Variants in TTC17 observed in about 807,000 individuals in gnomAD.
TTC17 encodes the protein tetratricopeptide repeat protein 17.
In TTC17, 58 loss-of-function variants were observed where a neutral mutation model predicts 143.8. The ratio of observed to expected loss-of-function variants is 0.40; its 90% CI spans 0.33 to 0.50. The LOEUF is 0.50. Ranked by LOEUF, TTC17 falls within the 20% of genes least tolerant of loss-of-function variation. TTC17 has a pLI of 0.49. For missense variants in TTC17, 1,273 were observed against 1,392.5 expected (o/e 0.91, Z 1.37); for synonymous variants, 501 against 497.8 (o/e 1.01, Z -0.09).
chr11:43,456,298 C>CT (rs961432524), intron 21 of TTC17, among the ~76,000 whole-genome samples: 71 of 152,194 alleles, frequency 4.7e-4, no homozygotes, highest in African/African-American at 1.6e-3. Context: ...AATGTCCACT[C>CT]TATCTACTAC....
intron 16 of TTC17, among the ~76,000 whole-genome samples, chr11:43,429,081 A>G (rs1947094180): frequency 6.6e-6 from 1 of 152,220 alleles, no homozygotes; most frequent in Non-Finnish European, 1.5e-5. Context: ...AGAACAGGGC[A>G]GAGGAGGTGA....
At chr11:43,401,599 T>C (rs1468575785) in intron 10 of TTC17, 41 bp downstream of exon 10, 1 of 1,374,114 alleles carries the variant, frequency 7.3e-7, no homozygotes, top group Non-Finnish European at 1.0e-6. Flanking sequence ...AAACGTTTGC[T>C]TTATAAAGAT....
At chr11:43,442,724 G>T (rs1024615876) in intron 16 of TTC17, among the ~76,000 whole-genome samples, 1 of 152,124 alleles carries the variant, frequency 6.6e-6, no homozygotes, top group African/African-American at 2.4e-5. Flanking sequence ...TTCCATAGGA[G>T]TCTTTATGTA....
In TTC17 at chr11:43,410,698, A is replaced by C. The variant is rs1013487803; in HGVS notation, c.2064+3121A>C. ...ACTTGACATTTCCACTTAGATGTCT[A>C]AAGGGCGCTCTAGAACAAAAGGCCA... is the stretch of plus-strand genomic sequence containing the variant. On this transcript the variant is annotated intron_variant, in intron 15 of 23. Transcript: ENST00000039989. Among the ~76,000 whole-genome samples the C allele has an allele frequency of 6.6e-5, 10 of 152,176 alleles. No individual in the cohort carries two copies. In the East Asian group the frequency reaches 1.9e-3, roughly 29 times the overall value.
chr11:43,379,436 T>C (rs752371184), intron 2 of TTC17, 114 bp downstream of exon 2: 2 of 866,982 alleles, frequency 2.3e-6, no homozygotes, highest in Non-Finnish European at 3.6e-6. Context: ...CTTCTGACTT[T>C]TGCGGGAATA....
Position 43,452,217 on chromosome 11 carries a change from C to A in TTC17, c.3030+952C>A, listed in dbSNP as rs79783362. ...CACTGATACAAAAATAAAAGAAAAC[C>A]GGTCGGGCCCGGTGGCTCACACCTG... is the stretch of plus-strand genomic sequence containing the variant. On this transcript the variant is annotated intron_variant, in intron 21 of 23. Transcript: ENST00000039989. Among the ~76,000 whole-genome samples, 119 of 152,122 alleles carry A rather than the reference C, an allele frequency of 7.8e-4. 1 individual carries two copies. The highest frequency in any genetic ancestry group is 2.8e-3 in the African/African-American group (115 of 41,502).
intron 21 of TTC17, among the ~76,000 whole-genome samples, chr11:43,451,920 T>G (rs1441491767): frequency 1.3e-5 from 2 of 152,188 alleles, no homozygotes; most frequent in Non-Finnish European, 2.9e-5. Flanking sequence ...AGCAACTTCC[T>G]TCATCTTCCG....
chr11:43,397,191 CAG>C (rs1857629252), intron 6 of TTC17, 154 bp from the exon 7 acceptor site: 2 of 759,442 alleles, frequency 2.6e-6, no homozygotes, highest in Admixed American at 6.2e-5. Flanking sequence ...TTGTAGCTAT[CAG>C]ATTAAGAGCC....
chr11:43,480,250 A>G (rs146999674), intron 21 of TTC17, among the ~76,000 whole-genome samples: 4 of 152,326 alleles, frequency 2.6e-5, no homozygotes, highest in African/African-American at 9.6e-5. Context: ...TACTTTTTAA[A>G]TGGTTGGGAT....
chr11:43,461,176 A>G (rs1266320856), intron 21 of TTC17, among the ~76,000 whole-genome samples: 1 of 152,022 alleles, frequency 6.6e-6, no homozygotes, highest in African/African-American at 2.4e-5. Flanking sequence ...GGAGGTCAGG[A>G]GATTGAGACC....
At chr11:43,413,027 C>CACACACACACACAA in intron 15 of TTC17, among the ~76,000 whole-genome samples, 1 of 116,998 alleles carries the variant, frequency 8.5e-6, no homozygotes, top group Non-Finnish European at 2.0e-5. Flanking sequence ...CACACACACA[C>CACACACACACACAA]AAATGGGGGC....
chr11:43,446,577 T>C (rs939281535), intron 18 of TTC17: 5 of 767,822 alleles, frequency 6.5e-6, no homozygotes, highest in Non-Finnish European at 7.9e-6. Flanking sequence ...ATTTAAGTTA[T>C]TAATTTAAAC....
Position 43,391,973 on chromosome 11 carries a change from AGAGCCAGCGGGCT to A in TTC17, c.663+35_663+47del, listed in dbSNP as rs772167419. On this transcript the variant is annotated intron_variant, in intron 5 of 23. Coordinates refer to ENST00000039989, the MANE Select transcript of TTC17 (RefSeq NM_018259.6). ...AGAAGGTAAGTCATCAGTCACTTAA[AGAGCCAGCGGGCT>A]GAGCCAGCGGGCTCTGTGTAAACAG... 464 of 1,590,050 alleles carry A rather than the reference AGAGCCAGCGGGCT, an allele frequency of 2.9e-4. 2 individuals carry two copies. Among genetic ancestry groups the A allele is most frequent in the Non-Finnish European group, 3.5e-4 (412 of 1,173,022 alleles).
intron 16 of TTC17, among the ~76,000 whole-genome samples, chr11:43,430,709 G>GCA (rs10658685): frequency 0.24 from 32,720 of 138,246 alleles, 3,890 homozygotes; most frequent in East Asian, 0.36. Context: ...CTACATACAC[G>GCA]CACACACACA....
intron 21 of TTC17, among the ~76,000 whole-genome samples, chr11:43,464,966 T>C (rs765756887): frequency 2.5e-4 from 38 of 152,164 alleles, no homozygotes; most frequent in Non-Finnish European, 5.3e-4. Context: ...TAGAAAGCTA[T>C]GAAAAACCAT....
At chr11:43,420,748 T>C (rs1210019500) in intron 16 of TTC17, among the ~76,000 whole-genome samples, 1 of 152,152 alleles carries the variant, frequency 6.6e-6, no homozygotes, top group Non-Finnish European at 1.5e-5. Context: ...AAATATTTGT[T>C]GGTTTTTAAT....
chr11:43,469,374 A>G (rs1482378686), intron 21 of TTC17, among the ~76,000 whole-genome samples: 2 of 152,190 alleles, frequency 1.3e-5, no homozygotes, highest in Admixed American at 1.3e-4. Flanking sequence ...AAATGTATCA[A>G]AGAGACATGA....
At chr11:43,386,547 C>T (rs775790769) in intron 2 of TTC17, among the ~76,000 whole-genome samples, 4 of 152,096 alleles carry the variant, frequency 2.6e-5, no homozygotes, top group South Asian at 2.1e-4. Flanking sequence ...GATGTAATTA[C>T]GATCTCAGGT....
At chr11:43,374,749 CAA>C (rs77640352) in intron 1 of TTC17, among the ~76,000 whole-genome samples, 83 of 112,976 alleles carry the variant, frequency 7.3e-4, no homozygotes, top group South Asian at 2.6e-3. Context: ...TTAAAAAGAC[CAA>C]AAAAAAAAAA....
Sources: gnomAD v4.1 joint callset for allele counts (sites outside exome capture counted in the v4.1 genomes callset) on GRCh38, gnomAD v4.1.1 for gene constraint, MANE v1.5 for transcripts, NCBI Gene and HGNC (gene_info 2026-07-23, HGNC 2026-07-21) for gene names.